TWIST2: variants seen among roughly 807,000 people sequenced by gnomAD.
TWIST2 encodes twist-related protein 2.
In TWIST2, 1 loss-of-function variant was observed where a neutral mutation model predicts 11.6. The observed-to-expected ratio is 0.09, with a 90% CI of 0.03 to 0.41. TWIST2 has a LOEUF of 0.41. TWIST2 is among the 10% of genes least tolerant of loss of function. The probability of loss-of-function intolerance (pLI) is 0.98; values close to 1 mark genes in which losing one functional copy is unlikely to be tolerated. For missense variants in TWIST2, 168 were observed against 226.4 expected (o/e 0.74, Z 1.66); for synonymous variants, 87 against 96.6 (o/e 0.90, Z 0.58).
At chr2:238,862,962 GT>G (rs1201935185) in intron 1 of TWIST2, among the ~76,000 whole-genome samples, 1 of 152,096 alleles carries the variant, frequency 6.6e-6, no homozygotes, top group Non-Finnish European at 1.5e-5. Context: ...GCACGGGTGT[GT>G]TTGTCTGGAG....
intron 1 of TWIST2, among the ~76,000 whole-genome samples, chr2:238,871,819 C>A (rs1199607898): frequency 6.6e-6 from 1 of 152,124 alleles, no homozygotes; most frequent in East Asian, 1.9e-4. Context: ...TCTATGACTC[C>A]ACTTACACGG....
intron 1 of TWIST2, among the ~76,000 whole-genome samples, chr2:238,898,538 G>A (rs36141491): frequency 0.36 from 55,099 of 152,108 alleles, 10,145 homozygotes; most frequent in Middle Eastern, 0.49. Context: ...GGTACAAAAG[G>A]GGAGTTCCCG....
intron 1 of TWIST2, among the ~76,000 whole-genome samples, chr2:238,906,765 C>T (rs1693361221): frequency 6.6e-6 from 1 of 152,154 alleles, no homozygotes; most frequent in Admixed American, 6.5e-5. Flanking sequence ...GTGGCAGAAT[C>T]CTCACGGTGA....
chr2:238,893,481 C>T (rs1693172792), intron 1 of TWIST2, among the ~76,000 whole-genome samples: 1 of 152,126 alleles, frequency 6.6e-6, no homozygotes. Flanking sequence ...CCCCGCCCTC[C>T]CCAGAAGCAC....
chr2:238,848,140 G>T lies in TWIST2; in HGVS notation c.-76G>T, dbSNP rs1692164877. 1.8e-6 allele frequency: 2 copies of T among 1,131,702 alleles called. No individual in the cohort carries two copies. Among genetic ancestry groups the T allele is most frequent in the Non-Finnish European group, 1.1e-6 (1 of 920,208 alleles). 70.1% of individuals were successfully genotyped at this position (1,131,702 alleles called of 1,614,324 possible). The stretch of plus-strand genomic sequence containing the variant: ...CCAGCAACTCCGAGAGCGTGTGCTC[G>T]GCGACCGCGGGCTTGGCCAGCGGCG... On this transcript the variant is annotated 5_prime_UTR_variant, in exon 1 of 2. Coordinates refer to ENST00000612363, the MANE Select transcript of TWIST2 (RefSeq NM_001271893.4).
At position 238,864,248 on chromosome 2, in the gene TWIST2, A is replaced by G. The variant is rs995069683; in HGVS notation, c.*35+15515A>G. 2.0e-5 allele frequency among the ~76,000 whole-genome samples: 3 copies of G among 152,102 alleles called. No individual in the cohort carries two copies. The highest frequency in any genetic ancestry group is 7.2e-5 in the African/African-American group (3 of 41,408). On this transcript the variant is annotated intron_variant, in intron 1 of 1. Transcript: ENST00000612363. This position sits in a 1 kb window ranked among gnomAD's most constrained non-coding sequence, Gnocchi z 4.7. Reference sequence around the variant, plus strand: ...CGTGGTATCCTCTCTTCTCCACATTACACCCCAAGCACGCGACTGTGAGCG... The same window carrying G: ...CGTGGTATCCTCTCTTCTCCACATTGCACCCCAAGCACGCGACTGTGAGCG...
chr2:238,857,384 A>G (rs1692351065), intron 1 of TWIST2, among the ~76,000 whole-genome samples: 1 of 152,164 alleles, frequency 6.6e-6, no homozygotes, highest in Admixed American at 6.5e-5. Context: ...AGGTTAAGGA[A>G]AGGAAGTGGT....
intron 1 of TWIST2, among the ~76,000 whole-genome samples, chr2:238,899,628 C>T (rs1196684934): frequency 1.3e-5 from 2 of 152,230 alleles, no homozygotes; most frequent in Non-Finnish European, 2.9e-5. Context: ...CTGTGCCCAT[C>T]CCGGCATGCT....
chr2:238,908,456 T>A (rs1693393741), intron 1 of TWIST2, among the ~76,000 whole-genome samples: 1 of 149,506 alleles, frequency 6.7e-6, no homozygotes, highest in African/African-American at 2.5e-5. Flanking sequence ...TGCACACACA[T>A]ACAACATACC....
chr2:238,894,799 G>A (rs1249779299), intron 1 of TWIST2, among the ~76,000 whole-genome samples: 1 of 152,096 alleles, frequency 6.6e-6, no homozygotes, highest in African/African-American at 2.4e-5. Context: ...ATTCTGTGAC[G>A]AGCTCTCCAA....
At chr2:238,882,967 G>C (rs975056993) in intron 1 of TWIST2, among the ~76,000 whole-genome samples, 1 of 152,134 alleles carries the variant, frequency 6.6e-6, no homozygotes, top group Admixed American at 6.5e-5. Context: ...GCAGATGTCT[G>C]AGCCCTTCCT....
chr2:238,850,665 A>G (rs540580269), intron 1 of TWIST2, among the ~76,000 whole-genome samples: 4 of 152,350 alleles, frequency 2.6e-5, no homozygotes, highest in Non-Finnish European at 5.9e-5. Context: ...TTATAGAAAA[A>G]TAAAATGCAA....
chr2:238,891,230 C>G (rs780418048), intron 1 of TWIST2, among the ~76,000 whole-genome samples: 4 of 152,210 alleles, frequency 2.6e-5, no homozygotes, highest in Non-Finnish European at 5.9e-5. Flanking sequence ...GCTCTTAGAT[C>G]AGCGAGGCCA....
At chr2:238,889,558 G>A (rs570499235) in intron 1 of TWIST2, among the ~76,000 whole-genome samples, 3 of 152,288 alleles carry the variant, frequency 2.0e-5, no homozygotes, top group East Asian at 1.9e-4. Context: ...GCAGAGCTCC[G>A]TGCTCACTTT....
At chr2:238,900,411 C>T (rs897350767) in intron 1 of TWIST2, among the ~76,000 whole-genome samples, 1 of 152,216 alleles carries the variant, frequency 6.6e-6, no homozygotes. Flanking sequence ...CTGTGGGCCT[C>T]TCAAGATTTT....
intron 1 of TWIST2, among the ~76,000 whole-genome samples, chr2:238,906,416 AC>A (rs1335084602): frequency 1.2e-4 from 18 of 151,764 alleles, no homozygotes; most frequent in African/African-American, 4.4e-4. Flanking sequence ...ACGGGAAAAC[AC>A]ATGCACTCAC....
At chr2:238,853,393 GA>G (rs1692274704) in intron 1 of TWIST2, among the ~76,000 whole-genome samples, 3 of 151,176 alleles carry the variant, frequency 2.0e-5, no homozygotes, top group African/African-American at 7.3e-5. Flanking sequence ...GAGAGAGAGA[GA>G]GAGAGAGAGG....
chr2:238,894,754 G>T (rs1693188195), intron 1 of TWIST2, among the ~76,000 whole-genome samples: 1 of 151,856 alleles, frequency 6.6e-6, no homozygotes, highest in African/African-American at 2.4e-5. Context: ...TCTCAACTGG[G>T]ACTGATCTCC....
At chr2:238,902,629 GTGAT>G (rs1311908631) in intron 1 of TWIST2, among the ~76,000 whole-genome samples, 2 of 147,788 alleles carry the variant, frequency 1.4e-5, no homozygotes, top group African/African-American at 5.0e-5. Flanking sequence ...TGTGAGGTGT[GTGAT>G]ATGAGGTGTG....
Sources: allele counts gnomAD v4.1 joint callset (sites outside exome capture counted in the v4.1 genomes callset), GRCh38; gene constraint gnomAD v4.1.1; non-coding constraint Gnocchi (gnomAD v3.1); transcripts MANE v1.5; gene names NCBI Gene and HGNC (gene_info 2026-07-23, HGNC 2026-07-21).